ISL1: variants seen among roughly 807,000 people sequenced by gnomAD.
ISL1 encodes insulin gene enhancer protein ISL-1.
ISL1 carries 4 observed loss-of-function variants against 35.3 expected under a neutral mutation model. The ratio of observed to expected loss-of-function variants is 0.11; its 90% CI spans 0.06 to 0.26. ISL1 has a LOEUF of 0.26. ISL1 is among the 10% of genes least tolerant of loss of function. The probability of loss-of-function intolerance (pLI) is 1.00; values close to 1 mark genes in which losing one functional copy is unlikely to be tolerated. For missense variants in ISL1, 340 were observed against 472.8 expected, an observed-to-expected ratio of 0.72 and a Z score of 2.60; for synonymous variants, 186 against 172.3, an observed-to-expected ratio of 1.08 and a Z score of -0.62.
At chr5:51,391,588 G>A in intron 5 of ISL1, 147 bp downstream of exon 5, 1 of 852,752 alleles carries the variant, frequency 1.2e-6, no homozygotes, top group Non-Finnish European at 1.9e-6. Context: ...TGAAGAGAAG[G>A]GAGACAAATG....
chr5:51,392,296 T>G (rs2111856985), intron 5 of ISL1, among the ~76,000 whole-genome samples: 1 of 152,336 alleles, frequency 6.6e-6, no homozygotes, highest in South Asian at 2.1e-4. Flanking sequence ...TATGCTATAT[T>G]TATATAGATG....
At chr5:51,390,394 C>T (rs533152132) in intron 4 of ISL1, among the ~76,000 whole-genome samples, 72 of 152,216 alleles carry the variant, frequency 4.7e-4, no homozygotes, top group African/African-American at 1.7e-3. Context: ...CCTGTGAGCC[C>T]CCAGGGCGCA....
chr5:51,384,243 A>AGGGG (rs60114688), intron 1 of ISL1, among the ~76,000 whole-genome samples: 77 of 116,212 alleles, frequency 6.6e-4, no homozygotes, highest in South Asian at 2.4e-3. Flanking sequence ...GCAAAGAGGA[A>AGGGG]GGGGGGGGGG....
chr5:51,393,117 G>C (rs1747555617), intron 5 of ISL1, among the ~76,000 whole-genome samples: 1 of 152,178 alleles, frequency 6.6e-6, no homozygotes, highest in African/African-American at 2.4e-5. Context: ...TTGATGCCTA[G>C]AGACTGAGAG....
At position 51,393,516 on chromosome 5, in the gene ISL1, C is replaced by G; in HGVS notation, c.956C>G (p.Pro319Arg). The part of the protein sequence containing the change: ...QQLVNFSEGG[P>R]GSNSTGSEVA... ...CAGGTCAATTTTTCAGAAGGAGGAC[C>G]GGGCTCTAATTCCACTGGCAGTGAA... is the stretch of plus-strand genomic sequence containing the variant. Residue 319 changes from proline (P) to arginine (R), a missense_variant, in exon 6 of 6, where the codon CCG (proline) becomes CGG (arginine). This residue lies in a region of ISL1 where 104 missense variants were observed against 97.3 expected (regional missense o/e 1.07). Transcript: ENST00000230658. The G allele has an allele frequency of 6.2e-7, 1 of 1,612,772 alleles. No individual in the cohort carries two copies. The highest frequency in any genetic ancestry group is 1.1e-5 in the South Asian group (1 of 91,052).
At position 51,389,652 on chromosome 5, in the gene ISL1, C is replaced by T; in HGVS notation, c.485C>T (p.Pro162Leu). The change falls in exon 4 of 6, where the codon CCC (proline) becomes CTC (leucine). Residue 162 changes from proline to leucine, a missense_variant. Coordinates refer to ENST00000230658, the MANE Select transcript of ISL1 (RefSeq NM_002202.3). The surrounding 1 kb of genome is among the most constrained non-coding windows in gnomAD (Gnocchi z 5.0). ...PARPLQMAAEPISARQPALRP... is the reference protein window; with the variant it reads ...PARPLQMAAELISARQPALRP... Reference sequence around the variant, plus strand: ...GGCGCTCCTTGCCCCGCAGCGGAGCCCATCTCCGCCAGGCAGCCAGCCCTG... The same window carrying T: ...GGCGCTCCTTGCCCCGCAGCGGAGCTCATCTCCGCCAGGCAGCCAGCCCTG... 1 of 1,608,866 alleles carries T rather than the reference C, an allele frequency of 6.2e-7. No individual in the cohort carries two copies. Among genetic ancestry groups the T allele is most frequent in the Non-Finnish European group, 8.5e-7 (1 of 1,179,392 alleles).
chr5:51,391,789 G>T (rs1561208812), intron 5 of ISL1, among the ~76,000 whole-genome samples: 1 of 152,062 alleles, frequency 6.6e-6, no homozygotes, highest in Non-Finnish European at 1.5e-5. Context: ...GAGTTGTCAA[G>T]GACTTCAGGA....
intron 4 of ISL1, among the ~76,000 whole-genome samples, chr5:51,390,642 CTTTT>C (rs57707586): frequency 1.2e-4 from 5 of 40,240 alleles, no homozygotes; most frequent in South Asian, 1.1e-3. Flanking sequence ...CTTTCTTTTT[CTTTT>C]TTTTTTTTTT....
At chr5:51,391,170 T>C in intron 4 of ISL1, 104 bp from the exon 5 acceptor site, 1 of 1,074,862 alleles carries the variant, frequency 9.3e-7, no homozygotes, top group South Asian at 1.5e-5. Flanking sequence ...GACCACTATA[T>C]AGATAAGATA....
At chr5:51,391,558 G>A in intron 5 of ISL1, 117 bp downstream of exon 5, 1 of 1,141,460 alleles carries the variant, frequency 8.8e-7, no homozygotes. Flanking sequence ...GGGTTGGGGA[G>A]AAACCAAGGA....
Position 51,384,614 on chromosome 5 carries a change from G to T in ISL1, c.102G>T (p.Pro34=). ...ATCAGTATATTCTGAGGGTTTCTCC[G>T]GATTTGGAATGGCATGCGGCATGTT... ...IHDQYILRVS[P]DLEWHAACLK... Residue 34 remains proline (P), a synonymous_variant, in exon 2 of 6, where the codon CCG becomes CCT. Coordinates refer to ENST00000230658, the MANE Select transcript of ISL1 (RefSeq NM_002202.3). 6.2e-7 allele frequency: 1 copy of T among 1,614,106 alleles called. No homozygotes were observed. Among genetic ancestry groups the T allele is most frequent in the Non-Finnish European group, 8.5e-7 (1 of 1,180,006 alleles).
chr5:51,391,608 C>A, intron 5 of ISL1, 167 bp downstream of exon 5: 2 of 702,594 alleles, frequency 2.8e-6, no homozygotes, highest in Non-Finnish European at 2.5e-6. Flanking sequence ...GCAGGGAAAA[C>A]GAACCTCTTG....
At chr5:51,393,057 G>A (rs2111858762) in intron 5 of ISL1, among the ~76,000 whole-genome samples, 1 of 152,296 alleles carries the variant, frequency 6.6e-6, no homozygotes, top group African/African-American at 2.4e-5. Flanking sequence ...TCAATCTCCT[G>A]TCAAAGGATC....
rs1554037672 is a variant in ISL1 at position 51,389,320 on chromosome 5, T to C, written c.479-326T>C. Among the ~76,000 whole-genome samples, 1 of 152,070 alleles carries C rather than the reference T, an allele frequency of 6.6e-6. No individual in the cohort carries two copies. The highest frequency in any genetic ancestry group is 1.5e-5 in the Non-Finnish European group (1 of 68,018). On this transcript the variant is annotated intron_variant, in intron 3 of 5. Coordinates refer to ENST00000230658, the MANE Select transcript of ISL1 (RefSeq NM_002202.3). This position sits in a 1 kb window ranked among gnomAD's most constrained non-coding sequence, Gnocchi z 5.0. ...CCTGCTGTGAACAGGGGGACAGACTTTGAGACCTGCTTCCCTTGGCTAACA... is the reference window on the plus strand; with the variant it reads ...CCTGCTGTGAACAGGGGGACAGACTCTGAGACCTGCTTCCCTTGGCTAACA...
chr5:51,391,141 G>T, intron 4 of ISL1, 133 bp from the exon 5 acceptor site: 1 of 810,386 alleles, frequency 1.2e-6, no homozygotes. Context: ...AGGTACGGCG[G>T]ATTAACTGAG....
Position 51,384,745 on chromosome 5 carries a change from CTTCT to C in ISL1, c.218+21_218+24del, listed in dbSNP as rs746803234. The C allele has an allele frequency of 1.1e-5, 18 of 1,602,678 alleles. No individual in the cohort carries two copies. Among genetic ancestry groups the C allele is most frequent in the Non-Finnish European group, 1.5e-5 (17 of 1,169,716 alleles). On this transcript the variant is annotated intron_variant, in intron 2 of 5. Coordinates refer to ENST00000230658, the MANE Select transcript of ISL1 (RefSeq NM_002202.3). ...GATTATATCAGGTATGGCATTTACACTTCTTTCTTAATTTTGTGGGATTTCCCTG... is the reference window on the plus strand; with the variant it reads ...GATTATATCAGGTATGGCATTTACACTTCTTAATTTTGTGGGATTTCCCTG...
chr5:51,391,785 T>A (rs1042988984), intron 5 of ISL1, among the ~76,000 whole-genome samples: 1 of 152,152 alleles, frequency 6.6e-6, no homozygotes, highest in Non-Finnish European at 1.5e-5. Flanking sequence ...TTTAGAGTTG[T>A]CAAGGACTTC....
Position 51,384,394 on chromosome 5 carries a change from G to T in ISL1, c.29-147G>T, listed in dbSNP as rs1431401688. ...CACATTTCAATTACCATCCCAAAGT[G>T]CAATGCTCTAAAAAAAAAAAAAAAG... is the stretch of plus-strand genomic sequence containing the variant. On this transcript the variant is annotated intron_variant, in intron 1 of 5. Transcript: ENST00000230658. 6.1e-6 allele frequency: 4 copies of T among 656,394 alleles called. No individual in the cohort carries two copies. The African/African-American group carries it at 8.0e-5, about 13-fold the overall frequency. 40.7% of individuals were successfully genotyped at this position (656,394 alleles called of 1,614,324 possible).
chr5:51,385,374 TTCTTA>T (rs752765885), intron 2 of ISL1, among the ~76,000 whole-genome samples: 19 of 152,374 alleles, frequency 1.2e-4, no homozygotes, highest in Non-Finnish European at 2.1e-4. Context: ...TGTCTCTTCT[TTCTTA>T]TCTTATCTGA....
Sources: allele counts gnomAD v4.1 joint callset (sites outside exome capture counted in the v4.1 genomes callset), GRCh38; gene constraint gnomAD v4.1.1; regional missense constraint gnomAD v4.1.1; non-coding constraint Gnocchi (gnomAD v3.1); transcripts MANE v1.5; gene names NCBI Gene and HGNC (gene_info 2026-07-23, HGNC 2026-07-21).